Variants in PPP2R2B observed in about 807,000 individuals in gnomAD.
PPP2R2B encodes the protein serine/threonine-protein phosphatase 2A 55 kDa regulatory subunit B beta isoform.
Under a neutral mutation model 46.0 loss-of-function variants are expected in PPP2R2B, and 5 were observed. The ratio of observed to expected loss-of-function variants is 0.11; its 90% CI spans 0.06 to 0.23. The LOEUF (loss-of-function observed/expected upper bound fraction) is 0.23, where lower values mean the gene tolerates loss of function less well. PPP2R2B is among the 10% of genes least tolerant of loss of function. PPP2R2B has a pLI of 1.00. For synonymous variants in PPP2R2B, 215 were observed against 206.7 expected, an observed-to-expected ratio of 1.04 and a Z score of -0.34; for missense variants, 367 against 575.0, an observed-to-expected ratio of 0.64 and a Z score of 3.70.
chr5:146,637,825 C>A (rs1388267857), intron 7 of PPP2R2B, among the ~76,000 whole-genome samples: 2 of 151,836 alleles, frequency 1.3e-5, no homozygotes, highest in African/African-American at 2.4e-5. Context: ...CAGTACTGTG[C>A]AGGTTACATG....
At chr5:146,951,512 C>T (rs1189032828) in intron 1 of PPP2R2B, among the ~76,000 whole-genome samples, 3 of 151,948 alleles carry the variant, frequency 2.0e-5, no homozygotes, top group East Asian at 1.9e-4. Context: ...CCCCATCTCC[C>T]GACAGGTCCC....
chr5:147,064,561 C>T (rs770193566), intron 2 of PPP2R2B, among the ~76,000 whole-genome samples: 8 of 152,066 alleles, frequency 5.3e-5, no homozygotes, highest in African/African-American at 9.7e-5. Context: ...GGCAGCATAA[C>T]GAGGGTAAAT....
At chr5:146,764,227 G>C (rs537499688) in intron 2 of PPP2R2B, among the ~76,000 whole-genome samples, 4 of 152,116 alleles carry the variant, frequency 2.6e-5, no homozygotes, top group African/African-American at 4.8e-5. Flanking sequence ...AGTCTGGAGG[G>C]GGGTGGGCAG....
intron 2 of PPP2R2B, among the ~76,000 whole-genome samples, chr5:146,874,697 C>A (rs1761798349): frequency 1.3e-5 from 2 of 152,150 alleles, no homozygotes; most frequent in African/African-American, 4.8e-5. Context: ...AGAAAACTCA[C>A]AGACTGCTAT....
At chr5:146,632,974 G>T (rs377317665) in intron 7 of PPP2R2B, among the ~76,000 whole-genome samples, 1 of 152,124 alleles carries the variant, frequency 6.6e-6, no homozygotes, top group Non-Finnish European at 1.5e-5. Context: ...CATTCCCCAG[G>T]TTGGTGTCCA....
At chr5:146,735,208 CT>C (rs1240199581) in intron 2 of PPP2R2B, among the ~76,000 whole-genome samples, 14 of 152,232 alleles carry the variant, frequency 9.2e-5, no homozygotes, top group Admixed American at 2.0e-4. Flanking sequence ...TAAAATCAGG[CT>C]GCCAAATGAA....
chr5:146,952,320 C>T (rs1367488881), intron 1 of PPP2R2B, among the ~76,000 whole-genome samples: 1 of 152,024 alleles, frequency 6.6e-6, no homozygotes, highest in Non-Finnish European at 1.5e-5. Flanking sequence ...TCCATTCACT[C>T]TTTTTGACAG....
At chr5:146,859,774 T>C (rs990828140) in intron 2 of PPP2R2B, among the ~76,000 whole-genome samples, 4 of 152,106 alleles carry the variant, frequency 2.6e-5, no homozygotes, top group African/African-American at 9.7e-5. Flanking sequence ...CTCAACAACA[T>C]GGGCTCTTTG....
At chr5:146,810,256 T>G (rs1000341147) in intron 2 of PPP2R2B, among the ~76,000 whole-genome samples, 1 of 152,170 alleles carries the variant, frequency 6.6e-6, no homozygotes, top group Admixed American at 6.5e-5. Flanking sequence ...CAGTTCCATG[T>G]GGCTGGGGAG....
intron 1 of PPP2R2B, among the ~76,000 whole-genome samples, chr5:146,976,044 C>T (rs963925202): frequency 1.3e-5 from 2 of 151,136 alleles, no homozygotes; most frequent in Non-Finnish European, 2.9e-5. Context: ...GAAATCATTG[C>T]CAAATTCAAT....
intron 2 of PPP2R2B, among the ~76,000 whole-genome samples, chr5:146,715,019 G>T (rs919311901): frequency 3.9e-5 from 6 of 152,156 alleles, no homozygotes; most frequent in African/African-American, 1.4e-4. Flanking sequence ...TCTACTACAA[G>T]ATCACTTCCA....
rs1769880307 is a variant in PPP2R2B, at chr5:146,581,219, C to A, written c.*8728G>T. ...AAGCATGGTGCTGACATCTGCTCAG[C>A]TTCTGGAGAGGCCTCTGGATACTTA... On this transcript the variant is annotated 3_prime_UTR_variant, in exon 10 of 10. Coordinates refer to ENST00000394411, the MANE Select transcript of PPP2R2B (RefSeq NM_181675.4). 1 of 152,148 alleles carries A rather than the reference C, an allele frequency of 6.6e-6. No individual in the cohort carries two copies. The highest frequency in any genetic ancestry group is 2.1e-4 in the South Asian group (1 of 4,826). 9.4% of individuals were successfully genotyped at this position (152,148 alleles called of 1,614,324 possible). A position where few individuals can be genotyped will look rare whatever the true frequency, so the allele number is the denominator to read the frequency against.
intron 2 of PPP2R2B, among the ~76,000 whole-genome samples, chr5:147,068,523 T>A (rs1220038995): frequency 1.3e-5 from 2 of 152,214 alleles, no homozygotes; most frequent in African/African-American, 2.4e-5. Context: ...TAAAATAAAG[T>A]TTGTTATTTA....
chr5:146,839,016 A>G (rs142272335), intron 2 of PPP2R2B, among the ~76,000 whole-genome samples: 5 of 152,184 alleles, frequency 3.3e-5, no homozygotes, highest in Non-Finnish European at 5.9e-5. Context: ...TAGGCTGAAC[A>G]CTAGAAAATT....
chr5:146,672,208 G>C (rs1230912935), intron 5 of PPP2R2B, among the ~76,000 whole-genome samples: 1 of 152,170 alleles, frequency 6.6e-6, no homozygotes, highest in East Asian at 1.9e-4. Flanking sequence ...ATTTCCCAGG[G>C]GAAGAAGATT....
chr5:147,007,155 T>C (rs1165672094), intron 1 of PPP2R2B, among the ~76,000 whole-genome samples: 1 of 152,134 alleles, frequency 6.6e-6, no homozygotes. Context: ...GTCCTTTCAC[T>C]GACCTAAAGA....
chr5:147,038,149 C>A (rs929605871), intron 1 of PPP2R2B, among the ~76,000 whole-genome samples: 3 of 152,074 alleles, frequency 2.0e-5, no homozygotes, highest in Admixed American at 2.0e-4. Flanking sequence ...ATTCAGTAAA[C>A]AAGAAGTTAT....
chr5:146,942,975 A>G (rs1389068227), intron 1 of PPP2R2B, among the ~76,000 whole-genome samples: 3 of 151,864 alleles, frequency 2.0e-5, no homozygotes, highest in South Asian at 2.1e-4. Context: ...TTTTTTTTGT[A>G]CTTAGTAGAG....
chr5:146,834,567 A>C (rs185097023), intron 2 of PPP2R2B, among the ~76,000 whole-genome samples: 14 of 152,314 alleles, frequency 9.2e-5, no homozygotes, highest in African/African-American at 2.6e-4. Flanking sequence ...TAATGACTAC[A>C]TTTCCCATAT....
Sources: gnomAD v4.1 joint callset for allele counts (sites outside exome capture counted in the v4.1 genomes callset) on GRCh38, gnomAD v4.1.1 for gene constraint, MANE v1.5 for transcripts, NCBI Gene and HGNC (gene_info 2026-07-23, HGNC 2026-07-21) for gene names.